The following MDGA2 variants were observed in gnomAD, a reference collection of about 807,000 sequenced individuals.
MDGA2 encodes MAM domain containing glycosylphosphatidylinositol anchor 2.
MDGA2 carries 40 observed loss-of-function variants against 117.8 expected under a neutral mutation model. The ratio of observed to expected loss-of-function variants is 0.34; its 90% confidence interval spans 0.26 to 0.44. The LOEUF (loss-of-function observed/expected upper bound fraction) is 0.44. Among genes scored for constraint, MDGA2 ranks in the 20% least tolerant of loss-of-function variants. MDGA2 has a pLI of 1.00. For missense variants in MDGA2, 1,123 were observed against 1,250.6 expected (o/e 0.90, Z 1.54); for synonymous variants, 452 against 439.0 (o/e 1.03, Z -0.37).
At chr14:47,110,643 G>A (rs1880988803) in intron 5 of MDGA2, among the ~76,000 whole-genome samples, 2 of 152,046 alleles carry the variant, frequency 1.3e-5, no homozygotes, top group Admixed American at 6.5e-5. Context: ...TTTATTTATA[G>A]CCAATCTTAA....
intron 8 of MDGA2, among the ~76,000 whole-genome samples, chr14:46,972,483 C>T (rs1353636768): frequency 1.3e-5 from 2 of 152,128 alleles, no homozygotes; most frequent in Admixed American, 6.6e-5. Flanking sequence ...TGTGCTAGCA[C>T]ATTTCATATA....
chr14:47,455,116 G>A (rs1473827483), intron 1 of MDGA2, among the ~76,000 whole-genome samples: 1 of 152,144 alleles, frequency 6.6e-6, no homozygotes, highest in Non-Finnish European at 1.5e-5. Flanking sequence ...TTATATAGAC[G>A]AGAATAATGA....
intron 1 of MDGA2, among the ~76,000 whole-genome samples, chr14:47,615,885 C>G (rs1312973164): frequency 3.3e-5 from 5 of 152,150 alleles, no homozygotes. Context: ...CCATTCAGCA[C>G]TGACACACTG....
At chr14:47,040,157 C>A (rs986644275) in intron 7 of MDGA2, among the ~76,000 whole-genome samples, 1 of 151,974 alleles carries the variant, frequency 6.6e-6, no homozygotes, top group Non-Finnish European at 1.5e-5. Flanking sequence ...CATAGAGAAA[C>A]ACAGTACAAA....
At chr14:46,967,499 A>C (rs1886081804) in intron 8 of MDGA2, among the ~76,000 whole-genome samples, 1 of 152,214 alleles carries the variant, frequency 6.6e-6, no homozygotes, top group Admixed American at 6.5e-5. Flanking sequence ...CATTAAGAAG[A>C]GTTGAATTGC....
chr14:47,385,496 G>C (rs927591228), intron 1 of MDGA2, among the ~76,000 whole-genome samples: 4 of 151,988 alleles, frequency 2.6e-5, no homozygotes, highest in African/African-American at 9.7e-5. Flanking sequence ...TGGCAAATAG[G>C]ACATTGTTTT....
chr14:46,957,740 G>A, intron 8 of MDGA2, 97 bp from the exon 9 acceptor site: 1 of 1,313,544 alleles, frequency 7.6e-7, no homozygotes, highest in Admixed American at 1.9e-5. Context: ...AACACATGCA[G>A]CAATAGAGGA....
intron 1 of MDGA2, among the ~76,000 whole-genome samples, chr14:47,393,763 C>T (rs1286297492): frequency 6.6e-6 from 1 of 152,066 alleles, no homozygotes; most frequent in Non-Finnish European, 1.5e-5. Flanking sequence ...AGCTATTTTT[C>T]CATCTTTCAA....
At chr14:47,631,025 C>G (rs370493753) in intron 1 of MDGA2, among the ~76,000 whole-genome samples, 2 of 152,082 alleles carry the variant, frequency 1.3e-5, no homozygotes, top group African/African-American at 4.8e-5. Context: ...CTCCTTTTTT[C>G]CTCTGAAAAG....
intron 1 of MDGA2, among the ~76,000 whole-genome samples, chr14:47,386,495 A>G (rs1194152888): frequency 6.6e-6 from 1 of 152,184 alleles, no homozygotes; most frequent in Non-Finnish European, 1.5e-5. Flanking sequence ...ATTTCAGAAG[A>G]AATGTTAACA....
At chr14:47,610,008 T>C (rs774475659) in intron 1 of MDGA2, among the ~76,000 whole-genome samples, 7 of 151,744 alleles carry the variant, frequency 4.6e-5, no homozygotes, top group Non-Finnish European at 8.9e-5. Flanking sequence ...ATCAAGTGGG[T>C]TTCATACCAG....
At chr14:47,434,798 G>C (rs1275185265) in intron 1 of MDGA2, among the ~76,000 whole-genome samples, 3 of 152,022 alleles carry the variant, frequency 2.0e-5, no homozygotes, top group African/African-American at 7.2e-5. Flanking sequence ...TGGTTAATCT[G>C]AACCCCACTA....
chr14:47,423,657 C>T (rs1244087857), intron 1 of MDGA2, among the ~76,000 whole-genome samples: 4 of 151,868 alleles, frequency 2.6e-5, no homozygotes, highest in African/African-American at 9.7e-5. Flanking sequence ...TATTTTCTTA[C>T]TTATGTAGCT....
chr14:47,612,072 C>A (rs1896857817), intron 1 of MDGA2, among the ~76,000 whole-genome samples: 1 of 152,262 alleles, frequency 6.6e-6, no homozygotes, highest in African/African-American at 2.4e-5. Flanking sequence ...CTCCGGCTAT[C>A]TTATCTGGCA....
intron 7 of MDGA2, chr14:47,058,463 C>T: frequency 1.1e-6 from 1 of 919,718 alleles, no homozygotes; most frequent in African/African-American, 1.8e-5. Flanking sequence ...TCACTCATCC[C>T]ATTTGTGTGA....
At chr14:47,262,808 A>G (rs1487092901) in intron 2 of MDGA2, among the ~76,000 whole-genome samples, 1 of 152,208 alleles carries the variant, frequency 6.6e-6, no homozygotes, top group Non-Finnish European at 1.5e-5. Flanking sequence ...TAATATCATT[A>G]TATGTGAATC....
chr14:46,960,268 A>G (rs536829331), intron 8 of MDGA2, among the ~76,000 whole-genome samples: 2 of 152,248 alleles, frequency 1.3e-5, no homozygotes, highest in African/African-American at 4.8e-5. Flanking sequence ...GTATACCTAT[A>G]GTATTTTTTA....
intron 1 of MDGA2, among the ~76,000 whole-genome samples, chr14:47,431,307 A>AG (rs1346891815): frequency 1.3e-5 from 2 of 152,078 alleles, no homozygotes; most frequent in South Asian, 4.1e-4. Flanking sequence ...CAGTTTAGGG[A>AG]GGGGAAAAAT....
At chr14:47,561,150 TTTGTTTTGTTTTG>T (rs1895796087) in intron 1 of MDGA2, among the ~76,000 whole-genome samples, 7 of 43,242 alleles carry the variant, frequency 1.6e-4, no homozygotes, top group African/African-American at 4.2e-4. Context: ...TGTTTTTTTT[TTTGTTTTGTTTTG>T]TTTTTTTGTT....
Sources: gnomAD v4.1 joint callset for allele counts (sites outside exome capture counted in the v4.1 genomes callset) on GRCh38, gnomAD v4.1.1 for gene constraint, MANE v1.5 for transcripts, NCBI Gene and HGNC (gene_info 2026-07-23, HGNC 2026-07-21) for gene names.